NT5C2: variants seen among roughly 807,000 people sequenced by gnomAD.
The protein encoded by NT5C2 is cytosolic purine 5'-nucleotidase.
Under a neutral mutation model 76.1 loss-of-function variants are expected in NT5C2, and 58 were observed. The observed-to-expected ratio is 0.76, with a 90% CI of 0.62 to 0.95. NT5C2 has a LOEUF of 0.95. Among genes scored for constraint, NT5C2 ranks in the 40% least tolerant of loss-of-function variants. The pLI is 0.00. For synonymous variants in NT5C2, 229 were observed against 237.4 expected, an observed-to-expected ratio of 0.96 and a Z score of 0.32; for missense variants, 478 against 690.3, an observed-to-expected ratio of 0.69 and a Z score of 3.45.
chr10:103,127,750 G>C (rs964133283), intron 4 of NT5C2, among the ~76,000 whole-genome samples: 3 of 152,190 alleles, frequency 2.0e-5, no homozygotes, highest in African/African-American at 7.2e-5. Context: ...GAGAGACGGG[G>C]TTTCACTGTG....
At chr10:103,178,456 T>G (rs564374983) in intron 2 of NT5C2, among the ~76,000 whole-genome samples, 1 of 150,300 alleles carries the variant, frequency 6.7e-6, no homozygotes, top group African/African-American at 2.5e-5. Context: ...GAGGCAGGAG[T>G]ATCACTTGAG....
At chr10:103,118,801 T>G (rs2075006699) in intron 4 of NT5C2, among the ~76,000 whole-genome samples, 1 of 150,294 alleles carries the variant, frequency 6.7e-6, no homozygotes, top group African/African-American at 2.5e-5. Context: ...TTATCTTTTT[T>G]GTTTGTTTGT....
chr10:103,110,972 TA>T (rs1399273411), intron 4 of NT5C2, among the ~76,000 whole-genome samples: 2 of 152,100 alleles, frequency 1.3e-5, no homozygotes, highest in Non-Finnish European at 2.9e-5. Context: ...AAGTAAAATA[TA>T]AAAAATAAAA....
chr10:103,093,841 A>C (rs1163336727), intron 14 of NT5C2, 131 bp downstream of exon 14: 6 of 670,620 alleles, frequency 8.9e-6, no homozygotes, highest in Non-Finnish European at 1.6e-5. Context: ...GAGGTGACTA[A>C]ACTATTTACC....
intron 1 of NT5C2, among the ~76,000 whole-genome samples, chr10:103,188,244 G>A (rs2135477578): frequency 6.6e-6 from 1 of 152,232 alleles, no homozygotes; most frequent in African/African-American, 2.4e-5. Context: ...TGTAATCCCA[G>A]CTACTCGGGA....
intron 10 of NT5C2, 60 bp downstream of exon 10, chr10:103,098,871 A>T: frequency 1.7e-6 from 2 of 1,160,612 alleles, no homozygotes; most frequent in Non-Finnish European, 2.5e-6. Context: ...GCTTGTTATT[A>T]ATTTCCCTAA....
intron 3 of NT5C2, among the ~76,000 whole-genome samples, chr10:103,159,141 G>C (rs2084142036): frequency 6.6e-6 from 1 of 151,988 alleles, no homozygotes; most frequent in Non-Finnish European, 1.5e-5. Flanking sequence ...GCTGAGGCAG[G>C]GGGATCACTT....
chr10:103,172,438 G>A (rs1465061039), intron 3 of NT5C2, among the ~76,000 whole-genome samples: 2 of 151,360 alleles, frequency 1.3e-5, no homozygotes, highest in Non-Finnish European at 1.5e-5. Flanking sequence ...TAGTAGAGAC[G>A]AGGTTTCACT....
chr10:103,108,733 T>C (rs2072087758), intron 4 of NT5C2, among the ~76,000 whole-genome samples: 1 of 152,230 alleles, frequency 6.6e-6, no homozygotes, highest in South Asian at 2.1e-4. Context: ...AGAAGCCTTT[T>C]AAGGTCTTTT....
intron 4 of NT5C2, among the ~76,000 whole-genome samples, chr10:103,131,390 A>G (rs1429692332): frequency 6.6e-6 from 1 of 152,204 alleles, no homozygotes; most frequent in African/African-American, 2.4e-5. Context: ...CTGAAATATA[A>G]TCATCAATGT....
chr10:103,185,975 C>T (rs1008867657), intron 1 of NT5C2, among the ~76,000 whole-genome samples: 14 of 152,130 alleles, frequency 9.2e-5, no homozygotes, highest in African/African-American at 3.4e-4. Context: ...TACTATTTTT[C>T]ATGTATGATT....
chr10:103,106,631 TG>T lies in NT5C2; in HGVS notation c.250del (p.Gln84ArgfsTer27). The stretch of plus-strand genomic sequence containing the variant: ...ATCATAAGCAAAGCTGAGCAACTCC[TG>T]GGGATAGCCAATAGAAACTAATCTC... The part of the protein sequence containing the change: ...VERLVSIGYP[Q>X]ELLSFAYDST... On this transcript the variant is annotated frameshift_variant, in exon 5 of 19. Coordinates refer to ENST00000404739, the MANE Select transcript of NT5C2 (RefSeq NM_001351169.2). LOFTEE classifies it high-confidence loss of function. 1 of 1,613,834 alleles carries T rather than the reference TG, an allele frequency of 6.2e-7. No individual in the cohort carries two copies. Among genetic ancestry groups the T allele is most frequent in the Non-Finnish European group, 8.5e-7 (1 of 1,179,784 alleles).
At chr10:103,187,080 T>C (rs1298600785) in intron 1 of NT5C2, among the ~76,000 whole-genome samples, 5 of 150,360 alleles carry the variant, frequency 3.3e-5, no homozygotes, top group Non-Finnish European at 7.4e-5. Context: ...GCAAAACCTG[T>C]CTCTACTAAA....
intron 4 of NT5C2, among the ~76,000 whole-genome samples, chr10:103,123,323 G>A (rs1430730250): frequency 6.6e-6 from 1 of 152,036 alleles, no homozygotes; most frequent in East Asian, 1.9e-4. Flanking sequence ...GGGTATACGT[G>A]CAGGATGTGC....
intron 2 of NT5C2, chr10:103,175,651 C>T (rs1178171987): frequency 4.4e-6 from 1 of 228,740 alleles, no homozygotes; most frequent in East Asian, 9.3e-5. Context: ...ACGATGGCCA[C>T]GTGAAAAGCA....
At chr10:103,139,942 CAG>C (rs919131581) in intron 3 of NT5C2, among the ~76,000 whole-genome samples, 1 of 152,060 alleles carries the variant, frequency 6.6e-6, no homozygotes, top group African/African-American at 2.4e-5. Context: ...TTTTTTGAGG[CAG>C]AGTCACTCTG....
chr10:103,185,916 G>A (rs1162065026), intron 1 of NT5C2, among the ~76,000 whole-genome samples: 8 of 152,088 alleles, frequency 5.3e-5, no homozygotes, highest in Admixed American at 4.6e-4. Context: ...GCATGAGTTC[G>A]ATGCCTTAAT....
intron 3 of NT5C2, among the ~76,000 whole-genome samples, chr10:103,170,914 GTTAA>G (rs1026494144): frequency 3.9e-5 from 6 of 152,178 alleles, no homozygotes; most frequent in African/African-American, 1.4e-4. Context: ...ACACCCTAAT[GTTAA>G]TTAATACTTT....
chr10:103,163,267 T>C (rs1370871530), intron 3 of NT5C2, among the ~76,000 whole-genome samples: 1 of 152,230 alleles, frequency 6.6e-6, no homozygotes, highest in Non-Finnish European at 1.5e-5. Context: ...TGTGTGAACC[T>C]AAGTTTTCAT....
Sources: gnomAD v4.1 joint callset for allele counts (sites outside exome capture counted in the v4.1 genomes callset) on GRCh38, gnomAD v4.1.1 for gene constraint, MANE v1.5 for transcripts, NCBI Gene and HGNC (gene_info 2026-07-23, HGNC 2026-07-21) for gene names.